Variants in DPYD observed in about 807,000 individuals in gnomAD.
The protein encoded by DPYD is dihydropyrimidine dehydrogenase [NADP(+)].
DPYD carries 109 observed loss-of-function variants against 116.2 expected under a neutral mutation model. The ratio of observed to expected loss-of-function variants is 0.94; its 90% CI spans 0.80 to 1.10. The LOEUF (loss-of-function observed/expected upper bound fraction) is 1.10, where lower values mean the gene tolerates loss of function less well. Ranked by LOEUF, DPYD falls within the 50% of genes least tolerant of loss-of-function variation. The pLI is 0.00. For missense variants in DPYD, 1,302 were observed against 1,254.5 expected (o/e 1.04, Z -0.57); for synonymous variants, 440 against 432.0 (o/e 1.02, Z -0.23).
intron 16 of DPYD, among the ~76,000 whole-genome samples, chr1:97,369,186 C>T (rs1335581971): frequency 6.6e-6 from 1 of 152,080 alleles, no homozygotes; most frequent in Non-Finnish European, 1.5e-5. Context: ...GGTTATAAAA[C>T]AATTAAATCT....
intron 18 of DPYD, among the ~76,000 whole-genome samples, chr1:97,258,163 T>C (rs1300385404): frequency 6.6e-6 from 1 of 152,030 alleles, no homozygotes; most frequent in Non-Finnish European, 1.5e-5. Flanking sequence ...GGGGCAGATA[T>C]TTCTGGGACA....
intron 1 of DPYD, among the ~76,000 whole-genome samples, chr1:97,912,214 A>C (rs1211143455): frequency 6.7e-6 from 1 of 149,944 alleles, no homozygotes; most frequent in Admixed American, 6.6e-5. Context: ...CGGCAGAACC[A>C]AAATGCACTA....
intron 16 of DPYD, among the ~76,000 whole-genome samples, 169 bp from the exon 17 acceptor site, chr1:97,306,466 G>T (rs1667181010): frequency 6.6e-6 from 1 of 151,882 alleles, no homozygotes; most frequent in Non-Finnish European, 1.5e-5. Flanking sequence ...ACTCATTAGG[G>T]AACTAAGGTT....
intron 17 of DPYD, 69 bp from the exon 18 acceptor site, chr1:97,305,447 C>G (rs2101037488): frequency 1.2e-6 from 2 of 1,603,646 alleles, no homozygotes; most frequent in Non-Finnish European, 1.7e-6. Context: ...CATTCAAACC[C>G]TCACATCCCA....
chr1:97,112,943 T>C (rs1303938863), intron 20 of DPYD, among the ~76,000 whole-genome samples: 1 of 152,136 alleles, frequency 6.6e-6, no homozygotes, highest in African/African-American at 2.4e-5. Flanking sequence ...TCAATAAATG[T>C]AGGTCAGTGG....
At chr1:97,442,201 T>C (rs1368360170) in intron 14 of DPYD, among the ~76,000 whole-genome samples, 1 of 151,914 alleles carries the variant, frequency 6.6e-6, no homozygotes, top group Non-Finnish European at 1.5e-5. Flanking sequence ...TCTAGCCTCC[T>C]CAACTCAGGG....
chr1:97,467,692 G>A (rs1402338939), intron 13 of DPYD, among the ~76,000 whole-genome samples: 1 of 152,062 alleles, frequency 6.6e-6, no homozygotes, highest in African/African-American at 2.4e-5. Flanking sequence ...GTAGGTCAAT[G>A]GTCTCTAAAA....
At chr1:97,739,764 C>G (rs1664159167) in intron 4 of DPYD, among the ~76,000 whole-genome samples, 1 of 151,954 alleles carries the variant, frequency 6.6e-6, no homozygotes, top group South Asian at 2.1e-4. Context: ...TAGGTACTAT[C>G]AATTATTCAA....
intron 13 of DPYD, among the ~76,000 whole-genome samples, chr1:97,485,190 C>T (rs181786417): frequency 1.3e-5 from 2 of 152,026 alleles, no homozygotes; most frequent in Admixed American, 1.3e-4. Flanking sequence ...AGAACTCTGA[C>T]ATACTCTCGT....
At chr1:97,233,060 C>A (rs1392154482) in intron 19 of DPYD, among the ~76,000 whole-genome samples, 1 of 152,106 alleles carries the variant, frequency 6.6e-6, no homozygotes, top group East Asian at 1.9e-4. Flanking sequence ...GTCAGTCTGG[C>A]AGGGGAAGTG....
At chr1:97,363,287 A>T (rs1173446580) in intron 16 of DPYD, among the ~76,000 whole-genome samples, 1 of 152,240 alleles carries the variant, frequency 6.6e-6, no homozygotes, top group Admixed American at 6.5e-5. Flanking sequence ...CCCATCATTA[A>T]AAAGTCAGGA....
intron 3 of DPYD, among the ~76,000 whole-genome samples, chr1:97,777,748 C>T (rs1478553010): frequency 3.9e-5 from 6 of 152,058 alleles, no homozygotes. Context: ...ACAAGACATG[C>T]TTTTTGGTTT....
intron 16 of DPYD, among the ~76,000 whole-genome samples, chr1:97,346,764 G>C (rs1440585500): frequency 6.6e-6 from 1 of 151,776 alleles, no homozygotes; most frequent in East Asian, 1.9e-4. Context: ...ATCTGTCTGG[G>C]TATCTTTACG....
At chr1:97,235,485 G>A (rs953390758) in intron 18 of DPYD, among the ~76,000 whole-genome samples, 2 of 152,040 alleles carry the variant, frequency 1.3e-5, no homozygotes, top group Admixed American at 6.6e-5. Context: ...TTAACCAGGC[G>A]TGGTGGCAGG....
chr1:97,490,961 A>T (rs1292986126), intron 13 of DPYD, among the ~76,000 whole-genome samples: 2 of 151,208 alleles, frequency 1.3e-5, no homozygotes, highest in East Asian at 3.9e-4. Context: ...TAAAAGATGT[A>T]ACTAAATAGT....
intron 8 of DPYD, among the ~76,000 whole-genome samples, chr1:97,627,318 AT>A (rs1383382539): frequency 6.6e-6 from 1 of 152,090 alleles, no homozygotes; most frequent in Non-Finnish European, 1.5e-5. Flanking sequence ...GTCATTTTAT[AT>A]GTAAATATTA....
At chr1:97,249,025 A>C (rs982231038) in intron 18 of DPYD, among the ~76,000 whole-genome samples, 3 of 152,206 alleles carry the variant, frequency 2.0e-5, no homozygotes, top group Non-Finnish European at 2.9e-5. Flanking sequence ...AAACTTCACC[A>C]AATTGATCTG....
Position 97,127,685 on chromosome 1 carries a change from T to C in DPYD, c.2623-29053A>G, listed in dbSNP as rs533420974. Among the ~76,000 whole-genome samples the C allele has an allele frequency of 6.6e-5, 10 of 152,296 alleles. No homozygotes were observed. In the South Asian group the frequency reaches 2.1e-3, roughly 32 times the overall value. Reference sequence around the variant, plus strand: ...TTTCTGCAGTAGTCCCCTACTGGCATCTTTCCAGTACTAATTTACTTGCTA... The same window carrying C: ...TTTCTGCAGTAGTCCCCTACTGGCACCTTTCCAGTACTAATTTACTTGCTA... On this transcript the variant is annotated intron_variant, in intron 20 of 22. Transcript: ENST00000370192.
intron 20 of DPYD, among the ~76,000 whole-genome samples, chr1:97,151,667 G>A (rs1655031435): frequency 6.6e-6 from 1 of 151,350 alleles, no homozygotes; most frequent in Non-Finnish European, 1.5e-5. Context: ...AAGAGTGAAA[G>A]TCTGTCTCAA....
Sources: allele counts gnomAD v4.1 joint callset (sites outside exome capture counted in the v4.1 genomes callset), GRCh38; gene constraint gnomAD v4.1.1; transcripts MANE v1.5; gene names NCBI Gene and HGNC (gene_info 2026-07-23, HGNC 2026-07-21).